The following STK32B variants were observed in gnomAD, a reference collection of about 807,000 sequenced individuals.
STK32B encodes serine/threonine kinase 32B, also known as serine/threonine-protein kinase 32B.
A neutral mutation model predicts 52.6 loss-of-function variants in STK32B; 43 were observed. The ratio of observed to expected loss-of-function variants is 0.82; its 90% CI spans 0.64 to 1.05. The LOEUF (loss-of-function observed/expected upper bound fraction) is 1.05, where lower values mean the gene tolerates loss of function less well. Ranked by LOEUF, STK32B falls within the 50% of genes least tolerant of loss-of-function variation. The pLI, the probability that STK32B is intolerant of heterozygous loss-of-function variation, is 0.00. For missense variants in STK32B, 621 were observed against 534.6 expected (o/e 1.16, Z -1.59); for synonymous variants, 238 against 204.3 (o/e 1.17, Z -1.41).
At chr4:5,118,469 C>T (rs1455480197) in intron 1 of STK32B, among the ~76,000 whole-genome samples, 2 of 152,180 alleles carry the variant, frequency 1.3e-5, no homozygotes, top group Non-Finnish European at 2.9e-5. Flanking sequence ...AGGCCTTTGC[C>T]CATGCAGTTT....
intron 3 of STK32B, among the ~76,000 whole-genome samples, chr4:5,273,535 A>G (rs1474935439): frequency 7.3e-4 from 1 of 1,362 alleles, no homozygotes; most frequent in Non-Finnish European, 1.5e-3. Flanking sequence ...ATAAAGACAC[A>G]TGCACACGTA....
intron 8 of STK32B, among the ~76,000 whole-genome samples, chr4:5,457,506 T>C (rs1430136900): frequency 2.0e-5 from 3 of 150,616 alleles, no homozygotes; most frequent in Non-Finnish European, 3.0e-5. Flanking sequence ...TGAGCCACCG[T>C]GCCCAGCCTG....
intron 1 of STK32B, among the ~76,000 whole-genome samples, chr4:5,104,260 A>G (rs1486771283): frequency 2.6e-5 from 4 of 152,118 alleles, no homozygotes; most frequent in African/African-American, 9.7e-5. Flanking sequence ...TTTATGAAGG[A>G]GAGTTTTCCC....
intron 3 of STK32B, among the ~76,000 whole-genome samples, chr4:5,236,555 C>T (rs185281984): frequency 3.5e-4 from 54 of 152,218 alleles, no homozygotes; most frequent in Admixed American, 1.3e-3. Context: ...TGCCTTTGTA[C>T]TTTATATAAT....
chr4:5,212,610 A>G (rs1486429997), intron 3 of STK32B, among the ~76,000 whole-genome samples: 1 of 152,210 alleles, frequency 6.6e-6, no homozygotes, highest in Non-Finnish European at 1.5e-5. Flanking sequence ...ATTTCATCCA[A>G]ACTTTCCAAT....
At chr4:5,137,398 C>G (rs6828159) in intron 1 of STK32B, among the ~76,000 whole-genome samples, 2,260 of 152,278 alleles carry the variant, frequency 0.015, 56 homozygotes, top group African/African-American at 0.051. Flanking sequence ...GGTGCCATTC[C>G]TTTTCCAGTT....
At chr4:5,036,081 TAAA>T in the STK32B span, among the ~76,000 whole-genome samples, 49 of 148,908 alleles carry the variant, frequency 3.3e-4, 1 homozygote, top group Admixed American at 1.7e-3. Context: ...CGTGCCTGGC[TAAA>T]AAAAAAACTT....
chr4:5,496,667 C>T (rs147937025), intron 11 of STK32B, among the ~76,000 whole-genome samples: 1,757 of 152,164 alleles, frequency 0.012, 27 homozygotes, highest in African/African-American at 0.039. Flanking sequence ...AGCTGTAGAC[C>T]GGAGCTGTTC....
At chr4:5,423,216 G>A (rs1238417886) in intron 6 of STK32B, among the ~76,000 whole-genome samples, 1 of 152,088 alleles carries the variant, frequency 6.6e-6, no homozygotes, top group Non-Finnish European at 1.5e-5. Flanking sequence ...GGCTCAAGGG[G>A]GATGGTCCAG....
At chr4:5,483,440 T>C (rs1718887624) in intron 11 of STK32B, among the ~76,000 whole-genome samples, 1 of 152,166 alleles carries the variant, frequency 6.6e-6, no homozygotes. Context: ...GATATCCCCT[T>C]TATCATTTTT....
chr4:5,317,129 A>ATGTATTATATATATTATATAT (rs1731030414), intron 3 of STK32B, among the ~76,000 whole-genome samples: 1 of 40,020 alleles, frequency 2.5e-5, no homozygotes. Flanking sequence ...ATACATTATA[A>ATGTATTATATATATTATATAT]TATATAATAT....
chr4:5,132,646 C>T (rs968652784), intron 1 of STK32B, among the ~76,000 whole-genome samples: 1 of 148,712 alleles, frequency 6.7e-6, no homozygotes, highest in Non-Finnish European at 1.5e-5. Flanking sequence ...AAACACAGTC[C>T]TGCTGACAGC....
intron 2 of STK32B, among the ~76,000 whole-genome samples, chr4:5,167,921 C>T (rs1719010754): frequency 6.6e-6 from 1 of 152,208 alleles, no homozygotes; most frequent in South Asian, 2.1e-4. Flanking sequence ...CAGACGGAGT[C>T]TGCGACACTC....
In STK32B at chr4:5,411,478, A is replaced by G. The variant is rs1356015513; in HGVS notation, c.473-5367A>G. On this transcript the variant is annotated intron_variant, in intron 5 of 11. Transcript: ENST00000282908. ...AAAAAATAATACAAATACAAACAAT[A>G]TATACAACTAAAAATAGCTACTTGC... Among the ~76,000 whole-genome samples, 9 of 152,258 alleles carry G rather than the reference A, an allele frequency of 5.9e-5. 1 individual carries two copies. The highest frequency in any genetic ancestry group is 2.6e-4 in the Admixed American group (4 of 15,290).
At position 5,244,754 on chromosome 4, in the gene STK32B, C is replaced by T. The variant is rs188283171; in HGVS notation, c.260+76304C>T. Among the ~76,000 whole-genome samples, 461 of 152,286 alleles carry T rather than the reference C, an allele frequency of 3.0e-3. 6 individuals are homozygous for T. Among genetic ancestry groups the T allele is most frequent in the Admixed American group, 0.016 (248 of 15,288 alleles). On this transcript the variant is annotated intron_variant, in intron 3 of 11. Coordinates refer to ENST00000282908, the MANE Select transcript of STK32B (RefSeq NM_018401.3). ...CCTCTACACACTGCTTTGAATGTGTCCCAGAGATTCTGGTATGTTGTGTCT... is the reference window on the plus strand; with the variant it reads ...CCTCTACACACTGCTTTGAATGTGTTCCAGAGATTCTGGTATGTTGTGTCT...
intron 1 of STK32B, among the ~76,000 whole-genome samples, chr4:5,101,630 C>T (rs1337770724): frequency 2.0e-5 from 3 of 152,100 alleles, no homozygotes; most frequent in Non-Finnish European, 2.9e-5. Flanking sequence ...GCTATAATGA[C>T]TTAGGCTTCT....
At chr4:5,199,136 A>G (rs891270556) in intron 3 of STK32B, among the ~76,000 whole-genome samples, 2 of 152,148 alleles carry the variant, frequency 1.3e-5, no homozygotes, top group African/African-American at 4.8e-5. Context: ...TATAAAGCAG[A>G]TTGGTGACCG....
intron 1 of STK32B, among the ~76,000 whole-genome samples, chr4:5,103,613 T>C (rs1713944859): frequency 6.6e-6 from 1 of 152,112 alleles, no homozygotes; most frequent in African/African-American, 2.4e-5. Context: ...TTCTGTAGGG[T>C]AGGTACTCTA....
chr4:5,268,543 GT>G (rs1380163979), intron 3 of STK32B, among the ~76,000 whole-genome samples: 39 of 63,756 alleles, frequency 6.1e-4, no homozygotes, highest in East Asian at 1.4e-3. Context: ...GGTGTGGTGT[GT>G]GTGTGTGTGT....
Sources: gnomAD v4.1 joint callset for allele counts (sites outside exome capture counted in the v4.1 genomes callset) on GRCh38, gnomAD v4.1.1 for gene constraint, MANE v1.5 for transcripts, NCBI Gene and HGNC (gene_info 2026-07-23, HGNC 2026-07-21) for gene names.